NDUFAF2: variants seen among roughly 807,000 people sequenced by gnomAD.
NDUFAF2 encodes the protein NADH:ubiquinone oxidoreductase complex assembly factor 2.
Under a neutral mutation model 22.8 loss-of-function variants are expected in NDUFAF2, and 13 were observed. The ratio of observed to expected loss-of-function variants is 0.57; its 90% CI spans 0.37 to 0.91. The LOEUF (loss-of-function observed/expected upper bound fraction) is 0.91, where lower values mean the gene tolerates loss of function less well. Among genes scored for constraint, NDUFAF2 ranks in the 40% least tolerant of loss-of-function variants. NDUFAF2 has a pLI of 0.01. For synonymous variants in NDUFAF2, 53 were observed against 64.2 expected, an observed-to-expected ratio of 0.83 and a Z score of 0.84; for missense variants, 162 against 195.2, an observed-to-expected ratio of 0.83 and a Z score of 1.01.
chr5:61,087,592 T>G (rs1434231608), intron 2 of NDUFAF2, among the ~76,000 whole-genome samples: 1 of 152,174 alleles, frequency 6.6e-6, no homozygotes, highest in Non-Finnish European at 1.5e-5. Flanking sequence ...GGAAAACAGT[T>G]TATTAGTTCT....
chr5:61,143,187 A>T (rs925355407), intron 3 of NDUFAF2, among the ~76,000 whole-genome samples: 1 of 152,148 alleles, frequency 6.6e-6, no homozygotes, highest in African/African-American at 2.4e-5. Context: ...TCTGGGCATG[A>T]CTATCTAATA....
chr5:61,004,699 G>A (rs1328434280), intron 1 of NDUFAF2, among the ~76,000 whole-genome samples: 1 of 151,966 alleles, frequency 6.6e-6, no homozygotes, highest in Admixed American at 6.6e-5. Flanking sequence ...AATAAACATT[G>A]TGACTCTACC....
intron 1 of NDUFAF2, among the ~76,000 whole-genome samples, chr5:60,945,639 C>A (rs1395150423): frequency 1.3e-5 from 2 of 152,230 alleles, no homozygotes; most frequent in African/African-American, 4.8e-5. Context: ...CCGGCGTGCC[C>A]CGGGCTGCTT....
intron 3 of NDUFAF2, among the ~76,000 whole-genome samples, chr5:61,140,738 T>C (rs1741040455): frequency 6.6e-6 from 1 of 152,236 alleles, no homozygotes; most frequent in Admixed American, 6.5e-5. Flanking sequence ...AGATTCAGCA[T>C]GTTCTAACCC....
intron 1 of NDUFAF2, among the ~76,000 whole-genome samples, chr5:61,007,641 G>T (rs1751385605): frequency 6.6e-6 from 1 of 152,138 alleles, no homozygotes; most frequent in African/African-American, 2.4e-5. Flanking sequence ...TCATTAAAAA[G>T]TCAGGAAACA....
intron 1 of NDUFAF2, among the ~76,000 whole-genome samples, chr5:61,063,763 A>G (rs1752195868): frequency 6.6e-6 from 1 of 152,160 alleles, no homozygotes; most frequent in African/African-American, 2.4e-5. Context: ...AGAGAAATGA[A>G]TCAAAGCTCA....
intron 1 of NDUFAF2, among the ~76,000 whole-genome samples, chr5:61,032,485 C>A (rs1455940480): frequency 1.3e-5 from 2 of 152,092 alleles, no homozygotes; most frequent in Admixed American, 6.6e-5. Flanking sequence ...ATAGGGAATC[C>A]TTTCCCCATT....
intron 1 of NDUFAF2, among the ~76,000 whole-genome samples, chr5:61,064,218 C>G (rs560734693): frequency 6.6e-6 from 1 of 151,864 alleles, no homozygotes; most frequent in African/African-American, 2.4e-5. Context: ...CTATATGTAC[C>G]CAACATTGGA....
chr5:61,040,251 GACAC>G (rs55910021), intron 1 of NDUFAF2, among the ~76,000 whole-genome samples: 4,251 of 131,798 alleles, frequency 0.032, 108 homozygotes, highest in Middle Eastern at 0.047. Flanking sequence ...AAGAGGAAAG[GACAC>G]ACACACACAC....
intron 2 of NDUFAF2, among the ~76,000 whole-genome samples, chr5:61,097,254 T>C (rs1289724316): frequency 6.6e-6 from 1 of 152,188 alleles, no homozygotes; most frequent in Non-Finnish European, 1.5e-5. Context: ...CTATCATATG[T>C]TGAAAATATC....
intron 2 of NDUFAF2, among the ~76,000 whole-genome samples, chr5:61,076,370 G>A (rs573408631): frequency 1.3e-5 from 2 of 152,262 alleles, no homozygotes; most frequent in African/African-American, 2.4e-5. Context: ...CACCGCGCCC[G>A]GCCGTTTTGC....
intron 1 of NDUFAF2, among the ~76,000 whole-genome samples, chr5:60,961,276 A>C (rs1434394268): frequency 2.0e-5 from 3 of 151,848 alleles, no homozygotes; most frequent in Non-Finnish European, 4.4e-5. Flanking sequence ...CCAGGCCAAC[A>C]TGGTGAAACC....
intron 1 of NDUFAF2, among the ~76,000 whole-genome samples, chr5:61,040,284 A>ACGCGCGCGCGCGCG (rs1297710611): frequency 9.4e-4 from 82 of 87,228 alleles, no homozygotes; most frequent in African/African-American, 3.8e-3. Context: ...ACACACACAC[A>ACGCGCGCGCGCGCG]CACGCGCGCG....
chr5:61,107,901 G>A, intron 3 of NDUFAF2, among the ~76,000 whole-genome samples: 1 of 145,694 alleles, frequency 6.9e-6, no homozygotes, highest in Non-Finnish European at 1.5e-5. Context: ...CCACCTATGA[G>A]TGAGAAGATG....
intron 2 of NDUFAF2, among the ~76,000 whole-genome samples, chr5:61,088,161 C>T (rs1187936873): frequency 6.6e-6 from 1 of 152,074 alleles, no homozygotes; most frequent in Non-Finnish European, 1.5e-5. Flanking sequence ...TCCTAGAGGT[C>T]ACTGGCAATT....
chr5:60,988,483 C>T (rs759218842), intron 1 of NDUFAF2, among the ~76,000 whole-genome samples: 2 of 152,112 alleles, frequency 1.3e-5, no homozygotes, highest in Admixed American at 6.5e-5. Context: ...CAATCCTAAG[C>T]TTAAAGAACA....
At chr5:61,004,380 A>G (rs898954081) in intron 1 of NDUFAF2, among the ~76,000 whole-genome samples, 1 of 152,110 alleles carries the variant, frequency 6.6e-6, no homozygotes, top group Non-Finnish European at 1.5e-5. Flanking sequence ...TGATTTTTTT[A>G]ATAATACAAG....
At chr5:60,966,659 T>C (rs1750761828) in intron 1 of NDUFAF2, among the ~76,000 whole-genome samples, 1 of 152,144 alleles carries the variant, frequency 6.6e-6, no homozygotes, top group African/African-American at 2.4e-5. Context: ...AAAAAATCTA[T>C]TGATGGTAAA....
intron 1 of NDUFAF2, among the ~76,000 whole-genome samples, chr5:60,963,430 T>A (rs1005409080): frequency 1.3e-5 from 2 of 152,216 alleles, no homozygotes; most frequent in African/African-American, 4.8e-5. Flanking sequence ...ACCTACTGAC[T>A]TCATCTCTCA....
Sources: allele counts gnomAD v4.1 joint callset (sites outside exome capture counted in the v4.1 genomes callset), GRCh38; gene constraint gnomAD v4.1.1; transcripts MANE v1.5; gene names NCBI Gene and HGNC (gene_info 2026-07-23, HGNC 2026-07-21).